PUM1: variants seen among roughly 807,000 people sequenced by gnomAD.
PUM1 encodes pumilio homolog 1.
In PUM1, 13 loss-of-function variants were observed where a neutral mutation model predicts 131.8. The ratio of observed to expected loss-of-function variants is 0.10; its 90% CI spans 0.06 to 0.16. PUM1 has a LOEUF of 0.16. Ranked by LOEUF, PUM1 falls within the 10% of genes least tolerant of loss-of-function variation. The pLI, the probability that PUM1 is intolerant of heterozygous loss-of-function variation, is 1.00. For missense variants in PUM1, 961 were observed against 1,512.4 expected, an observed-to-expected ratio of 0.64 and a Z score of 6.05; for synonymous variants, 509 against 556.5, an observed-to-expected ratio of 0.91 and a Z score of 1.20.
At chr1:31,005,318 T>A (rs979201679) in intron 5 of PUM1, among the ~76,000 whole-genome samples, 14 of 152,124 alleles carry the variant, frequency 9.2e-5, no homozygotes, top group Admixed American at 7.2e-4. Context: ...AATCCCTAAT[T>A]TCTTGACAGG....
intron 7 of PUM1, among the ~76,000 whole-genome samples, chr1:30,988,490 A>T (rs185768943): frequency 6.1e-4 from 93 of 152,350 alleles, no homozygotes; most frequent in African/African-American, 1.9e-3. Flanking sequence ...TCACAAATAA[A>T]GCAAACCTAC....
chr1:31,010,623 C>T (rs1413713048), intron 3 of PUM1, among the ~76,000 whole-genome samples: 3 of 152,190 alleles, frequency 2.0e-5, no homozygotes. Flanking sequence ...CATTTACACA[C>T]AATTAAGAAC....
intron 3 of PUM1, among the ~76,000 whole-genome samples, chr1:31,027,795 AGTGC>A (rs1643280776): frequency 6.6e-6 from 1 of 152,248 alleles, no homozygotes. Context: ...AACCTAGCAC[AGTGC>A]CTGGGGATCA....
intron 2 of PUM1, among the ~76,000 whole-genome samples, chr1:31,046,687 G>C (rs1322959549): frequency 6.6e-6 from 1 of 151,484 alleles, no homozygotes; most frequent in Admixed American, 6.6e-5. Context: ...GGTCAGTCTG[G>C]TCTCGAACTC....
chr1:30,968,633 G>T (rs535945928), intron 10 of PUM1, 141 bp from the exon 11 acceptor site: 5 of 767,780 alleles, frequency 6.5e-6, no homozygotes, highest in Non-Finnish European at 9.8e-6. Context: ...AGCTGTTAGC[G>T]TATAAATTCA....
intron 2 of PUM1, among the ~76,000 whole-genome samples, chr1:31,030,395 GAA>G (rs1025411295): frequency 1.3e-5 from 2 of 152,026 alleles, no homozygotes; most frequent in Admixed American, 6.6e-5. Context: ...AAGCAATGGA[GAA>G]AAGAGTATGG....
At chr1:31,055,244 C>A in intron 2 of PUM1, 1 of 433,760 alleles carries the variant, frequency 2.3e-6, no homozygotes, top group Non-Finnish European at 4.6e-6. Flanking sequence ...AGCTGCCTAT[C>A]AAGTGGCCTC....
intron 7 of PUM1, among the ~76,000 whole-genome samples, chr1:30,986,057 C>T (rs575435896): frequency 1.3e-5 from 2 of 152,132 alleles, no homozygotes; most frequent in Admixed American, 1.3e-4. Flanking sequence ...TGGGTTCAAG[C>T]GATTCTCCTG....
At chr1:30,940,349 G>A (rs539052153) in intron 20 of PUM1, among the ~76,000 whole-genome samples, 2 of 152,178 alleles carry the variant, frequency 1.3e-5, no homozygotes, top group South Asian at 2.1e-4. Flanking sequence ...GGTGGCGTGC[G>A]CCTGCAGTCC....
At chr1:31,055,305 TC>T in intron 2 of PUM1, 1 of 455,702 alleles carries the variant, frequency 2.2e-6, no homozygotes, top group South Asian at 1.6e-5. Flanking sequence ...TAAGACCCAC[TC>T]CTTTACCTGA....
In PUM1 at chr1:31,057,628, G is replaced by C. The variant is rs373135690; in HGVS notation, c.363+1576C>G. ...TAATCCCAGCTACTCGGGAAGGTAA[G>C]GCAGGAGAATTGCTTAAACCTGGGA... On this transcript the variant is annotated intron_variant, in intron 2 of 21. Transcript: ENST00000426105. Among the ~76,000 whole-genome samples, 8 of 148,686 alleles carry C rather than the reference G, an allele frequency of 5.4e-5. No individual in the cohort carries two copies. The East Asian group carries it at 1.4e-3, about 26-fold the overall frequency.
At chr1:30,975,517 ATT>A (rs751510345) in intron 9 of PUM1, among the ~76,000 whole-genome samples, 16 of 84,162 alleles carry the variant, frequency 1.9e-4, no homozygotes, top group East Asian at 6.6e-4. Flanking sequence ...TACCTGACTA[ATT>A]TTTTTTTTTT....
At chr1:31,056,747 C>T (rs1453557800) in intron 2 of PUM1, among the ~76,000 whole-genome samples, 2 of 150,092 alleles carry the variant, frequency 1.3e-5, no homozygotes, top group Non-Finnish European at 3.0e-5. Context: ...CCACCTCAGG[C>T]TCCCAAGCAG....
At chr1:31,002,006 T>G (rs1339359018) in intron 5 of PUM1, among the ~76,000 whole-genome samples, 1 of 152,240 alleles carries the variant, frequency 6.6e-6, no homozygotes, top group Non-Finnish European at 1.5e-5. Context: ...GCTAATGCTG[T>G]CGGCCCACTG....
intron 5 of PUM1, among the ~76,000 whole-genome samples, chr1:31,002,101 A>T (rs1356908698): frequency 6.6e-6 from 1 of 152,148 alleles, no homozygotes; most frequent in Admixed American, 6.5e-5. Context: ...TTGAGTTTTG[A>T]TTATTCTCAT....
At chr1:30,952,620 T>C (rs896766828) in intron 15 of PUM1, among the ~76,000 whole-genome samples, 1 of 144,124 alleles carries the variant, frequency 6.9e-6, no homozygotes, top group African/African-American at 2.5e-5. Context: ...TTCATTCCAG[T>C]AGGGCATGCA....
chr1:30,977,105 A>C (rs1641165314), intron 9 of PUM1, among the ~76,000 whole-genome samples: 1 of 152,204 alleles, frequency 6.6e-6, no homozygotes, highest in African/African-American at 2.4e-5. Flanking sequence ...CTAAACACAA[A>C]GTTCATTTAC....
chr1:30,948,885 T>C (rs1017546151), intron 17 of PUM1, among the ~76,000 whole-genome samples: 1 of 152,230 alleles, frequency 6.6e-6, no homozygotes, highest in African/African-American at 2.4e-5. Context: ...TGCTTCTAAT[T>C]ACTTATACTT....
At position 30,942,113 on chromosome 1, in the gene PUM1, A is replaced by G; in HGVS notation, c.3005T>C (p.Leu1002Ser). The part of the protein sequence containing the change: ...IDAFKGQVFA[L>S]STHPYGCRVI... ...TCGGCAGCCATAAGGATGTGTGGAT[A>G]AGGCAAATACCTAAGGGTAGACAAA... Residue 1002 changes from leucine to serine, a missense_variant, in exon 19 of 22, where the codon TTA becomes TCA. Leu to Ser is a moderately radical substitution (Grantham distance 145, BLOSUM62 -2). Transcript: ENST00000426105. The G allele has an allele frequency of 6.4e-7, 1 of 1,556,560 alleles. No homozygotes were observed.
Sources: gnomAD v4.1 joint callset for allele counts (sites outside exome capture counted in the v4.1 genomes callset) on GRCh38, gnomAD v4.1.1 for gene constraint, MANE v1.5 for transcripts, NCBI Gene and HGNC (gene_info 2026-07-23, HGNC 2026-07-21) for gene names.